INTS2: variants seen among roughly 807,000 people sequenced by gnomAD.
INTS2 encodes integrator complex subunit 2.
In INTS2, 57 loss-of-function variants were observed where a neutral mutation model predicts 139.6. That is an observed-to-expected ratio of 0.41 (90% CI 0.33 to 0.51). INTS2 has a LOEUF of 0.51. INTS2 is among the 20% of genes least tolerant of loss of function. INTS2 has a pLI of 0.28. For synonymous variants in INTS2, 473 were observed against 493.4 expected (o/e 0.96, Z 0.55); for missense variants, 1,196 against 1,436.7 (o/e 0.83, Z 2.71).
chr17:61,893,761 A>G lies in INTS2; in HGVS notation c.1698+4T>C, dbSNP rs773604981. 117 of 1,573,274 alleles carry G rather than the reference A, an allele frequency of 7.4e-5. No individual in the cohort carries two copies. The highest frequency in any genetic ancestry group is 8.8e-5 in the Non-Finnish European group (102 of 1,158,058). ...TTTATTTTGTTTTATTTGTAGGGGC[A>G]TACTTTTATTGACACTTTGTGCTTG... On this transcript the variant is annotated splice_donor_region_variant and intron_variant, in intron 13 of 24. Coordinates refer to ENST00000251334, the MANE Select transcript of INTS2 (RefSeq NM_001351695.2). The surrounding 1 kb of genome is among the most constrained non-coding windows in gnomAD (Gnocchi z 5.4).
Position 61,927,860 on chromosome 17 carries a change from G to A in INTS2, c.-225C>T. 1 of 1,613,852 alleles carries A rather than the reference G, an allele frequency of 6.2e-7. No individual in the cohort carries two copies. Among genetic ancestry groups the A allele is most frequent in the Non-Finnish European group, 8.5e-7 (1 of 1,179,826 alleles). ...TTGTCGATACAAAGTGGGAAGGATG[G>A]GGGCACCACACAAAGGCAGAACCGG... On this transcript the variant is annotated 5_prime_UTR_variant, in exon 1 of 25. Transcript: ENST00000251334.
rs748974026 is a variant in INTS2 at position 61,867,630 on chromosome 17, G to T, written c.3518C>A (p.Pro1173His). Residue 1173 changes from proline (P) to histidine (H), a missense_variant, in exon 25 of 25, where the codon CCT (proline) becomes CAT (histidine). Pro to His is a moderately conservative substitution (Grantham distance 77). Around this residue, in one of 3 missense-constraint regions of INTS2, gnomAD observed 1,129 missense variants for 1,341.9 expected, o/e 0.84. Transcript: ENST00000251334. The surrounding 1 kb of genome is among the most constrained non-coding windows in gnomAD (Gnocchi z 5.6). ...NGSRDTGSMD[P>H]DVQLCHCIER... ...AATACAGTGACAGAGCTGTACATCA[G>T]GATCCATGCTTCCAGTGTCCCTGGA... 19 of 1,611,428 alleles carry T rather than the reference G, an allele frequency of 1.2e-5. No individual in the cohort carries two copies. Among genetic ancestry groups the T allele is most frequent in the African/African-American group, 1.3e-5 (1 of 74,822 alleles).
chr17:61,920,881 C>G (rs1156269295), intron 4 of INTS2, among the ~76,000 whole-genome samples: 1 of 152,076 alleles, frequency 6.6e-6, no homozygotes, highest in East Asian at 1.9e-4. Context: ...ATCTCCCAGG[C>G]TCAAGCCATC....
In INTS2 at chr17:61,875,336, A is replaced by G. The variant is rs1190442468; in HGVS notation, c.2457-298T>C. ...ACCTTAGTTATACCATACTTGCTAT[A>G]TGACTCTGTGTAAGTCACTGAGGCT... On this transcript the variant is annotated intron_variant, in intron 18 of 24. Transcript: ENST00000251334. The surrounding 1 kb of genome is among the most constrained non-coding windows in gnomAD (Gnocchi z 4.6). 6.6e-5 allele frequency among the ~76,000 whole-genome samples: 10 copies of G among 152,204 alleles called. No individual in the cohort carries two copies.
At chr17:61,925,335 C>T (rs1432327942) in intron 2 of INTS2, among the ~76,000 whole-genome samples, 1 of 152,150 alleles carries the variant, frequency 6.6e-6, no homozygotes, top group African/African-American at 2.4e-5. Context: ...AATCCCAGTA[C>T]TTTGGGAGGC....
At chr17:61,900,233 C>CTACT (rs2079391064) in intron 9 of INTS2, among the ~76,000 whole-genome samples, 1 of 152,178 alleles carries the variant, frequency 6.6e-6, no homozygotes, top group African/African-American at 2.4e-5. Flanking sequence ...AGGGCTCAGG[C>CTACT]TACTCCAGGC....
In INTS2 at chr17:61,927,920, AC is replaced by A; in HGVS notation, c.-286del. On this transcript the variant is annotated 5_prime_UTR_variant, in exon 1 of 25. It introduces an in-frame stop codon into an upstream open reading frame of the 5' UTR. Coordinates refer to ENST00000251334, the MANE Select transcript of INTS2 (RefSeq NM_001351695.2). ...AACGGAAAAGCGGGAGACTTTTTCA[AC>A]CTGCACCCAGCACCTTCATTCATCC... 1 of 1,613,966 alleles carries A rather than the reference AC, an allele frequency of 6.2e-7. No homozygotes were observed. Among genetic ancestry groups the A allele is most frequent in the South Asian group, 1.1e-5 (1 of 91,068 alleles).
intron 7 of INTS2, chr17:61,911,040 T>A (rs1221561799): frequency 1.3e-5 from 2 of 156,940 alleles, no homozygotes; most frequent in African/African-American, 4.8e-5. Flanking sequence ...AGTTTTCATT[T>A]AAAATATGTT....
At position 61,873,222 on chromosome 17, in the gene INTS2, C is replaced by T. The variant is rs569201600; in HGVS notation, c.2583-762G>A. Among the ~76,000 whole-genome samples, 1 of 151,910 alleles carries T rather than the reference C, an allele frequency of 6.6e-6. No homozygotes were observed. Among genetic ancestry groups the T allele is most frequent in the African/African-American group, 2.4e-5 (1 of 41,342 alleles). ...CTCTATAAAATGGAATACCATATAG[C>T]CAATTAAGATAAGAATATAAACTAG... is the stretch of plus-strand genomic sequence containing the variant. On this transcript the variant is annotated intron_variant, in intron 19 of 24. Transcript: ENST00000251334. The surrounding 1 kb of genome is among the most constrained non-coding windows in gnomAD (Gnocchi z 4.0).
At position 61,889,856 on chromosome 17, in the gene INTS2, T is replaced by C; in HGVS notation, c.1914A>G (p.Thr638=). Reference sequence around the variant, plus strand: ...TATAGTAGAGCACCAAAAGCTGTGCTGTGATACTGAAACGCTGATTAAGGC... The same window carrying C: ...TATAGTAGAGCACCAAAAGCTGTGCCGTGATACTGAAACGCTGATTAAGGC... The part of the protein sequence containing the change: ...NIRLNQRFSI[T]AQLLVLYYIL... Residue 638 remains threonine (T), a synonymous_variant, in exon 15 of 25, where the codon ACA becomes ACG. Transcript: ENST00000251334. The C allele has an allele frequency of 6.2e-7, 1 of 1,612,302 alleles. No individual in the cohort carries two copies. The highest frequency in any genetic ancestry group is 1.1e-5 in the South Asian group (1 of 90,854).
rs1200296319 is a variant in INTS2 at position 61,903,251 on chromosome 17, G to A, written c.1307+1209C>T. Among the ~76,000 whole-genome samples the A allele has an allele frequency of 2.0e-5, 3 of 147,280 alleles. 1 individual carries two copies. Among genetic ancestry groups the A allele is most frequent in the South Asian group, 4.3e-4 (2 of 4,674 alleles). The stretch of plus-strand genomic sequence containing the variant: ...TTTTTTTTAAACAAAGACAGGAGTC[G>A]CACTATGTTGCCCCAGCTGGCCTCG... On this transcript the variant is annotated intron_variant, in intron 9 of 24. Transcript: ENST00000251334.
intron 16 of INTS2, among the ~76,000 whole-genome samples, chr17:61,881,718 G>A (rs2079180197): frequency 1.3e-5 from 2 of 152,200 alleles, no homozygotes; most frequent in African/African-American, 4.8e-5. Flanking sequence ...GGAGGCCTAG[G>A]AATGTGCACT....
intron 3 of INTS2, 78 bp downstream of exon 3, chr17:61,924,883 T>A: frequency 1.4e-6 from 2 of 1,434,562 alleles, no homozygotes; most frequent in South Asian, 2.4e-5. Context: ...CCTGACTTCT[T>A]GTCTCTTTTT....
intron 9 of INTS2, 100 bp downstream of exon 9, chr17:61,904,360 G>T: frequency 1.2e-6 from 1 of 838,856 alleles, no homozygotes; most frequent in Non-Finnish European, 1.9e-6. Flanking sequence ...TCCATACCTA[G>T]ACCAGCTTTT....
chr17:61,921,849 A>G (rs759430988), intron 3 of INTS2, 22 bp from the exon 4 acceptor site: 7 of 1,170,408 alleles, frequency 6.0e-6, no homozygotes, highest in Non-Finnish European at 7.4e-6. Context: ...AAAAAAAAAG[A>G]TATAAACTCT....
chr17:61,872,765 T>C lies in INTS2; in HGVS notation c.2583-305A>G, dbSNP rs1313548527. Among the ~76,000 whole-genome samples the C allele has an allele frequency of 6.6e-6, 1 of 152,240 alleles. No individual in the cohort carries two copies. Among genetic ancestry groups the C allele is most frequent in the East Asian group, 1.9e-4 (1 of 5,192 alleles). ...AATATTGCATGAAGAAAAACTGTAATACACGTACAAAAAGCTGATATCCTT... is the reference window on the plus strand; with the variant it reads ...AATATTGCATGAAGAAAAACTGTAACACACGTACAAAAAGCTGATATCCTT... On this transcript the variant is annotated intron_variant, in intron 19 of 24. Coordinates refer to ENST00000251334, the MANE Select transcript of INTS2 (RefSeq NM_001351695.2). This position sits in a 1 kb window ranked among gnomAD's most constrained non-coding sequence, Gnocchi z 4.8.
At chr17:61,927,038 T>C (rs2079723087) in intron 1 of INTS2, 1 of 257,540 alleles carries the variant, frequency 3.9e-6, no homozygotes, top group South Asian at 4.7e-5. Context: ...TTCTCCACTA[T>C]ATCAGTCACA....
At position 61,874,784 on chromosome 17, in the gene INTS2, C is replaced by T. The variant is rs1457580401; in HGVS notation, c.2582+129G>A. 1.6e-5 allele frequency: 9 copies of T among 558,904 alleles called. 1 individual carries two copies. The Middle Eastern group carries it at 1.8e-3, about 110-fold the overall frequency. The allele number at this position is 558,904 out of a possible 1,614,324, so 34.6% of individuals were successfully genotyped here. ...CAACTAAAAAAATAAGACAAAAAAC[C>T]GCACAGGTCACACTGCCTACTTATC... is the stretch of plus-strand genomic sequence containing the variant. On this transcript the variant is annotated intron_variant, in intron 19 of 24. Transcript: ENST00000251334.
Position 61,897,954 on chromosome 17 carries a change from T to C in INTS2, c.1308-215A>G, listed in dbSNP as rs2079365894. Among the ~76,000 whole-genome samples, 1 of 152,186 alleles carries C rather than the reference T, an allele frequency of 6.6e-6. No homozygotes were observed. Among genetic ancestry groups the C allele is most frequent in the Non-Finnish European group, 1.5e-5 (1 of 68,036 alleles). ...GAATGAGGACCTTTGCTTTTTTTCA[T>C]GGATCCCCTCTCAAAGTCTTAGTTA... On this transcript the variant is annotated intron_variant, in intron 9 of 24. Transcript: ENST00000251334. This position sits in a 1 kb window ranked among gnomAD's most constrained non-coding sequence, Gnocchi z 4.4.
Sources: allele counts gnomAD v4.1 joint callset (sites outside exome capture counted in the v4.1 genomes callset), GRCh38; gene constraint gnomAD v4.1.1; regional missense constraint gnomAD v4.1.1; non-coding constraint Gnocchi (gnomAD v3.1); transcripts MANE v1.5; gene names NCBI Gene and HGNC (gene_info 2026-07-23, HGNC 2026-07-21).